The following SP110 variants were observed in gnomAD, a reference collection of about 807,000 sequenced individuals.
The protein encoded by SP110 is SP110 nuclear body protein.
In SP110, 62 loss-of-function variants were observed where a neutral mutation model predicts 92.7. The observed-to-expected ratio is 0.67, with a 90% CI of 0.55 to 0.83. SP110 has a LOEUF of 0.83. Among genes scored for constraint, SP110 ranks in the 40% least tolerant of loss-of-function variants. The pLI is 0.00. For synonymous variants in SP110, 273 were observed against 305.3 expected (o/e 0.89, Z 1.10); for missense variants, 793 against 863.9 (o/e 0.92, Z 1.03).
At chr2:230,199,082 G>A (rs2043007219) in intron 10 of SP110, among the ~76,000 whole-genome samples, 1 of 151,406 alleles carries the variant, frequency 6.6e-6, no homozygotes, top group East Asian at 1.9e-4. Context: ...GGACCCTACA[G>A]TGTATGACAC....
At chr2:230,181,676 A>T (rs1443049325) in intron 12 of SP110, among the ~76,000 whole-genome samples, 1 of 152,220 alleles carries the variant, frequency 6.6e-6, no homozygotes, top group Non-Finnish European at 1.5e-5. Flanking sequence ...GAAGACATTT[A>T]TGCGGCCAAT....
chr2:230,201,052 G>GT, intron 9 of SP110, 87 bp from the exon 10 acceptor site: 1 of 1,020,878 alleles, frequency 9.8e-7, no homozygotes, highest in Non-Finnish European at 1.6e-6. Context: ...TGCACACTCT[G>GT]AAGTTGAGTC....
In SP110 at chr2:230,167,428, G is replaced by C. The variant is rs1200709552; in HGVS notation, c.*1696C>G. 1 of 152,214 alleles carries C rather than the reference G, an allele frequency of 6.6e-6. No individual in the cohort carries two copies. Among genetic ancestry groups the C allele is most frequent in the Non-Finnish European group, 1.5e-5 (1 of 68,164 alleles). The allele number at this position is 152,214 out of a possible 1,614,324, so 9.4% of individuals were successfully genotyped here. The stretch of plus-strand genomic sequence containing the variant: ...TGCCCAGCCCGAAGAAGCTTTATCT[G>C]ATCTGAACCTGATTTAGATAAGGAG... On this transcript the variant is annotated 3_prime_UTR_variant, in exon 19 of 19. Transcript: ENST00000258381.
At position 230,211,436 on chromosome 2, in the gene SP110, A is replaced by G; in HGVS notation, c.751+34T>C. 7.6e-7 allele frequency: 1 copy of G among 1,321,160 alleles called. No individual in the cohort carries two copies. Among genetic ancestry groups the G allele is most frequent in the Non-Finnish European group, 1.1e-6 (1 of 912,524 alleles). The allele number at this position is 1,321,160 out of a possible 1,614,324, so 81.8% of individuals were successfully genotyped here. ...TTCCTCTTAGTAAACACAGAAACAA[A>G]GGCAAGCTTTTAGGTTGACCAAACC... On this transcript the variant is annotated intron_variant, in intron 6 of 18. Transcript: ENST00000258381. The surrounding 1 kb of genome is among the most constrained non-coding windows in gnomAD (Gnocchi z 4.2).
At chr2:230,173,094 G>A in intron 14 of SP110, 135 bp from the exon 15 acceptor site, 2 of 680,506 alleles carry the variant, frequency 2.9e-6, no homozygotes, top group Admixed American at 4.1e-5. Flanking sequence ...GGGGGGAGCT[G>A]ATGCCACCTC....
intron 12 of SP110, among the ~76,000 whole-genome samples, chr2:230,178,622 GA>G (rs925604730): frequency 6.6e-5 from 10 of 151,644 alleles, no homozygotes; most frequent in African/African-American, 1.2e-4. Context: ...GTTGCCAGAG[GA>G]AAAAAAAATC....
rs1574581249 is a variant in SP110, at chr2:230,168,982, T to G, written c.*142A>C. ...AAAAAGAAAGAATAAAGATGGAGGG[T>G]GTGATAATCCTATGAAGTGTCTGGG... On this transcript the variant is annotated 3_prime_UTR_variant, in exon 19 of 19. Coordinates refer to ENST00000258381, the MANE Select transcript of SP110 (RefSeq NM_080424.4). 1.4e-6 allele frequency: 1 copy of G among 716,844 alleles called. No individual in the cohort carries two copies. Among genetic ancestry groups the G allele is most frequent in the Non-Finnish European group, 2.6e-6 (1 of 391,682 alleles). 44.4% of individuals were successfully genotyped at this position (716,844 alleles called of 1,614,324 possible).
intron 10 of SP110, among the ~76,000 whole-genome samples, chr2:230,188,732 T>G (rs2042472841): frequency 6.6e-6 from 1 of 152,228 alleles, no homozygotes; most frequent in Non-Finnish European, 1.5e-5. Context: ...TTTCTGCATC[T>G]ATTGAAATGA....
At position 230,172,836 on chromosome 2, in the gene SP110, C is replaced by T; in HGVS notation, c.1706+8G>A. 1 of 1,582,904 alleles carries T rather than the reference C, an allele frequency of 6.3e-7. No individual in the cohort carries two copies. Among genetic ancestry groups the T allele is most frequent in the Non-Finnish European group, 8.7e-7 (1 of 1,151,414 alleles). ...TGTGTGCCCGAGGCGGGGCTGCATC[C>T]CACTCACCTCTTGGCTTCCACAGGG... is the stretch of plus-strand genomic sequence containing the variant. On this transcript the variant is annotated splice_region_variant and intron_variant, in intron 15 of 18. Coordinates refer to ENST00000258381, the MANE Select transcript of SP110 (RefSeq NM_080424.4).
intron 6 of SP110, among the ~76,000 whole-genome samples, 157 bp from the exon 7 acceptor site, chr2:230,210,165 G>A (rs1431025852): frequency 1.3e-5 from 2 of 152,158 alleles, no homozygotes; most frequent in Non-Finnish European, 2.9e-5. Flanking sequence ...CTTGATTTTT[G>A]CCAACTTGTG....
intron 14 of SP110, chr2:230,176,876 C>T: frequency 1.3e-6 from 1 of 774,632 alleles, no homozygotes; most frequent in Non-Finnish European, 2.2e-6. Context: ...GCTCCCTCCC[C>T]CAGTCAGTTT....
upstream of SP110, among the ~76,000 whole-genome samples, chr2:230,220,378 A>G (rs2045709903): frequency 6.6e-6 from 1 of 152,196 alleles, no homozygotes; most frequent in African/African-American, 2.4e-5. Flanking sequence ...ATTCACTGGA[A>G]TTTATCCAGT....
intron 12 of SP110, among the ~76,000 whole-genome samples, chr2:230,181,716 G>A (rs573524627): frequency 2.0e-5 from 3 of 152,346 alleles, no homozygotes; most frequent in Admixed American, 2.0e-4. Flanking sequence ...CCACATCACT[G>A]AGCATTAGAG....
At chr2:230,221,572 A>G (rs1574827678), upstream of SP110, 1 of 930,168 alleles carries the variant, frequency 1.1e-6, no homozygotes, top group East Asian at 2.6e-5. Flanking sequence ...CAGCCAGGAA[A>G]AATTCAATGC....
At chr2:230,210,256 G>A (rs372464664) in intron 6 of SP110, among the ~76,000 whole-genome samples, 21 of 152,308 alleles carry the variant, frequency 1.4e-4, no homozygotes, top group African/African-American at 4.8e-4. Context: ...TCCTTTTAGA[G>A]AGATTATCTT....
intron 1 of SP110, 46 bp from the exon 2 acceptor site, chr2:230,216,974 G>C (rs201785605): frequency 1.3e-6 from 2 of 1,569,546 alleles, no homozygotes; most frequent in South Asian, 1.1e-5. Context: ...GGCTGGGCGC[G>C]GTGGCTCATG....
Position 230,200,914 on chromosome 2 carries a change from G to A in SP110, c.1100C>T (p.Thr367Met), listed in dbSNP as rs59573011. 4,455 of 1,613,672 alleles carry A rather than the reference G, an allele frequency of 2.8e-3. 105 individuals carry two copies. The African/African-American group carries it at 0.052, about 19-fold the overall frequency. Reference protein sequence around the residue: ...EMNEGKRSQKTPSTPRRVTQG... With the variant: ...EMNEGKRSQKMPSTPRRVTQG... ...TGTGACCCTTCGTGGTGTACTAGGC[G>A]TCTTCTGGGACCTCTTTCCTTCATT... Residue 367 changes from threonine to methionine, a missense_variant, in exon 10 of 19, where the codon ACG becomes ATG. Coordinates refer to ENST00000258381, the MANE Select transcript of SP110 (RefSeq NM_080424.4).
intron 18 of SP110, among the ~76,000 whole-genome samples, chr2:230,170,214 G>T (rs1319428736): frequency 6.6e-6 from 1 of 151,882 alleles, no homozygotes; most frequent in Non-Finnish European, 1.5e-5. Flanking sequence ...AAATATGCAA[G>T]CCTGATTATC....
chr2:230,217,855 G>A (rs558673607), intron 1 of SP110, among the ~76,000 whole-genome samples: 15 of 152,294 alleles, frequency 9.8e-5, no homozygotes, highest in African/African-American at 3.6e-4. Context: ...GAGTTCAGCT[G>A]GAAACCTGGT....
Sources: gnomAD v4.1 joint callset for allele counts (sites outside exome capture counted in the v4.1 genomes callset) on GRCh38, gnomAD v4.1.1 for gene constraint, Gnocchi (gnomAD v3.1) non-coding constraint, MANE v1.5 for transcripts, NCBI Gene and HGNC (gene_info 2026-07-23, HGNC 2026-07-21) for gene names.